The following SLC25A45 variants were observed in gnomAD, a reference collection of about 807,000 sequenced individuals.
SLC25A45 encodes the protein methylated amino-acid transporter SLC25A45.
Under a neutral mutation model 23.0 loss-of-function variants are expected in SLC25A45, and 22 were observed. That is an observed-to-expected ratio of 0.95 (90% CI 0.68 to 1.36). The LOEUF is 1.36. Ranked by LOEUF, SLC25A45 falls within the 40% of genes most tolerant of loss-of-function variation. The pLI, the probability that SLC25A45 is intolerant of heterozygous loss-of-function variation, is 0.00. For synonymous variants in SLC25A45, 136 were observed against 155.0 expected, an observed-to-expected ratio of 0.88 and a Z score of 0.91; for missense variants, 355 against 383.5, an observed-to-expected ratio of 0.93 and a Z score of 0.62.
intron 5 of SLC25A45, chr11:65,379,091 C>T (rs1212823048): frequency 6.6e-5 from 29 of 441,332 alleles, no homozygotes; most frequent in South Asian, 3.9e-4. Flanking sequence ...CTGGCAGACC[C>T]CTCTGGAGGG....
chr11:65,376,400 G>C lies in SLC25A45; in HGVS notation c.*7C>G. 1 of 1,610,942 alleles carries C rather than the reference G, an allele frequency of 6.2e-7. No homozygotes were observed. Among genetic ancestry groups the C allele is most frequent in the Non-Finnish European group, 8.5e-7 (1 of 1,177,326 alleles). On this transcript the variant is annotated 3_prime_UTR_variant, in exon 7 of 7. Coordinates refer to ENST00000398802, the MANE Select transcript of SLC25A45 (RefSeq NM_182556.4). Reference sequence around the variant, plus strand: ...CTGATGGGGAGCTGCTGGCATTGCCGCAGGGCTCATCCCCACCAGCGGAGG... The same window carrying C: ...CTGATGGGGAGCTGCTGGCATTGCCCCAGGGCTCATCCCCACCAGCGGAGG...
intron 5 of SLC25A45, chr11:65,379,070 C>T (rs1311712909): frequency 2.8e-5 from 11 of 386,576 alleles, no homozygotes; most frequent in Non-Finnish European, 4.7e-6. Context: ...GGGCTCCCCA[C>T]AGCTCTGAGG....
At position 65,376,486 on chromosome 11, in the gene SLC25A45, G is replaced by T; in HGVS notation, c.788C>A (p.Thr263Asn). Residue 263 changes from threonine (T) to asparagine (N), a missense_variant, in exon 7 of 7, where the codon ACC (threonine) becomes AAC (asparagine). Physicochemically the swap from Thr to Asn is moderately conservative, Grantham distance 65. Coordinates refer to ENST00000398802, the MANE Select transcript of SLC25A45 (RefSeq NM_182556.4). Reference sequence around the variant, plus strand: ...GGGAAAGGCGCGGGCACTGTTGATGGTGACCCCCCGGAAGAAGACTCCCAG... The same window carrying T: ...GGGAAAGGCGCGGGCACTGTTGATGTTGACCCCCCGGAAGAAGACTCCCAG... Reference protein sequence around the residue: ...EGLGVFFRGVTINSARAFPVN... With the variant: ...EGLGVFFRGVNINSARAFPVN... 1 of 1,614,194 alleles carries T rather than the reference G, an allele frequency of 6.2e-7. No individual in the cohort carries two copies. Among genetic ancestry groups the T allele is most frequent in the South Asian group, 1.1e-5 (1 of 91,086 alleles).
intron 4 of SLC25A45, 139 bp from the exon 5 acceptor site, chr11:65,379,700 T>A: frequency 8.0e-7 from 1 of 1,246,792 alleles, no homozygotes; most frequent in Non-Finnish European, 1.1e-6. Flanking sequence ...AGGGATGGGC[T>A]GAGGCTGCGC....
At chr11:65,379,776 G>A in intron 4 of SLC25A45, 91 bp downstream of exon 4, 2 of 1,526,670 alleles carry the variant, frequency 1.3e-6, no homozygotes, top group Non-Finnish European at 1.8e-6. Flanking sequence ...TCTCCTCCAG[G>A]AGCAGAACCC....
chr11:65,377,992 G>A (rs1451963627), intron 5 of SLC25A45: 1 of 152,362 alleles, frequency 6.6e-6, no homozygotes, highest in African/African-American at 2.4e-5. Context: ...GGTGGGTGGT[G>A]GTACTTAGGG....
At position 65,376,989 on chromosome 11, in the gene SLC25A45, G is replaced by A. The variant is rs188268568; in HGVS notation, c.427C>T (p.Arg143Trp). ...PRAQPGSPPP[R>W]YQGPVHCAAS... is the part of the protein sequence containing the mutation. ...GCACAGTGCACGGGCCCCTGGTACC[G>A]GGGTGGGGGGCTCCCTGGCTGGGCC... is the stretch of plus-strand genomic sequence containing the variant. The change falls in exon 6 of 7, where the codon CGG becomes TGG. Residue 143 changes from arginine (R) to tryptophan (W), a missense_variant. Arg to Trp is a moderately radical substitution (Grantham distance 101, BLOSUM62 -3). Coordinates refer to ENST00000398802, the MANE Select transcript of SLC25A45 (RefSeq NM_182556.4). 6.8e-6 allele frequency: 11 copies of A among 1,613,466 alleles called. No homozygotes were observed. The highest frequency in any genetic ancestry group is 1.3e-5 in the African/African-American group (1 of 74,914).
At chr11:65,377,554 G>A (rs536603243) in intron 5 of SLC25A45, 3 of 332,886 alleles carry the variant, frequency 9.0e-6, no homozygotes, top group South Asian at 2.3e-4. Flanking sequence ...TCAGAGGCCC[G>A]GAGGGGCACA....
At chr11:65,377,879 AT>A (rs1286131830) in intron 5 of SLC25A45, 1 of 151,946 alleles carries the variant, frequency 6.6e-6, no homozygotes, top group East Asian at 1.9e-4. Flanking sequence ...TCTCTGAGGG[AT>A]TTATCTGTTT....
At position 65,379,105 on chromosome 11, in the gene SLC25A45, C is replaced by A. The variant is rs1855385063; in HGVS notation, c.339+271G>T. The A allele has an allele frequency of 8.7e-6, 4 of 462,402 alleles. No individual in the cohort carries two copies. The South Asian group carries it at 9.6e-5, about 11-fold the overall frequency. 28.6% of individuals were successfully genotyped at this position (462,402 alleles called of 1,614,324 possible). A position where few individuals can be genotyped will look rare whatever the true frequency, so the allele number is the denominator to read the frequency against. On this transcript the variant is annotated intron_variant, in intron 5 of 6. Transcript: ENST00000398802. ...GCTGGCAGACCCCTCTGGAGGGGGG[C>A]AAGCCCCGTCAGCTGGAGCGAGTGG...
chr11:65,382,517 C>T lies in SLC25A45; in HGVS notation c.-50G>A, dbSNP rs924177502. 13 of 155,846 alleles carry T rather than the reference C, an allele frequency of 8.3e-5. No individual in the cohort carries two copies. In the South Asian group the frequency reaches 1.7e-3, roughly 20 times the overall value. 9.7% of individuals were successfully genotyped at this position (155,846 alleles called of 1,614,324 possible). ...TGGCTGTTCTCTTCAGGGTTGTTTA[C>T]GACTCCCCCGACTCCCCCGTGTGAG... On this transcript the variant is annotated 5_prime_UTR_variant, in exon 1 of 7. Transcript: ENST00000398802. This position sits in a 1 kb window ranked among gnomAD's most constrained non-coding sequence, Gnocchi z 4.4.
intron 5 of SLC25A45, chr11:65,377,516 G>C (rs770995262): frequency 1.5e-6 from 1 of 668,112 alleles, no homozygotes; most frequent in Non-Finnish European, 1.9e-6. Flanking sequence ...AGGTCCCCTC[G>C]TGAGTGCTGT....
rs902449546 is a variant in SLC25A45 at position 65,382,207 on chromosome 11, C to A, written c.-18-238G>T. 13 of 551,150 alleles carry A rather than the reference C, an allele frequency of 2.4e-5. No individual in the cohort carries two copies. Among genetic ancestry groups the A allele is most frequent in the African/African-American group, 1.5e-4 (8 of 52,832 alleles). 34.1% of individuals were successfully genotyped at this position (551,150 alleles called of 1,614,324 possible). ...GTGCCGGGACCACAGAGGCCCTGAT[C>A]CCCGAGCCCGGCCAATGATCCTCGC... On this transcript the variant is annotated intron_variant, in intron 1 of 6. Transcript: ENST00000398802. The surrounding 1 kb of genome is among the most constrained non-coding windows in gnomAD (Gnocchi z 4.4).
intron 5 of SLC25A45, 60 bp downstream of exon 5, chr11:65,379,316 G>C: frequency 6.3e-7 from 1 of 1,581,614 alleles, no homozygotes; most frequent in East Asian, 2.2e-5. Flanking sequence ...GGGTGGGAGA[G>C]GACAGATCGA....
At chr11:65,380,554 T>C (rs747687572) in intron 2 of SLC25A45, 5 of 1,333,658 alleles carry the variant, frequency 3.7e-6, no homozygotes, top group African/African-American at 1.5e-5. Flanking sequence ...GCTTTACTCT[T>C]CTTTCTTCAA....
intron 2 of SLC25A45, chr11:65,380,934 A>T (rs1016296730): frequency 9.1e-6 from 2 of 220,980 alleles, no homozygotes; most frequent in Non-Finnish European, 1.9e-5. Flanking sequence ...TTCCTTTGTA[A>T]GCCCAACAGG....
At chr11:65,381,076 A>G (rs947305117) in intron 2 of SLC25A45, 10 of 153,788 alleles carry the variant, frequency 6.5e-5, no homozygotes, top group African/African-American at 2.4e-4. Context: ...TCTTCTTCCC[A>G]TCGGCCACTC....
At position 65,376,229 on chromosome 11, in the gene SLC25A45, CCT is replaced by C. The variant is rs2137760527; in HGVS notation, c.*176_*177del. 1 of 710,866 alleles carries C rather than the reference CCT, an allele frequency of 1.4e-6. No individual in the cohort carries two copies. The highest frequency in any genetic ancestry group is 2.3e-6 in the Non-Finnish European group (1 of 440,942). The allele number at this position is 710,866 out of a possible 1,614,324, so 44.0% of individuals were successfully genotyped here. A position where few individuals can be genotyped will look rare whatever the true frequency, so the allele number is the denominator to read the frequency against. ...CTACACAGGGAGGCTGCACAGGCCC[CCT>C]GGCTTCCGGCTCCCACAGGTGTCTG... On this transcript the variant is annotated 3_prime_UTR_variant, in exon 7 of 7. Transcript: ENST00000398802.
chr11:65,376,379 T>C lies in SLC25A45; in HGVS notation c.*28A>G, dbSNP rs1555036062. 6.2e-7 allele frequency: 1 copy of C among 1,605,438 alleles called. No homozygotes were observed. On this transcript the variant is annotated 3_prime_UTR_variant, in exon 7 of 7. Coordinates refer to ENST00000398802, the MANE Select transcript of SLC25A45 (RefSeq NM_182556.4). ...ACTGGCCTCCAGGCCGTGGGCCTGA[T>C]GGGGAGCTGCTGGCATTGCCGCAGG...
Sources: gnomAD v4.1 joint callset for allele counts on GRCh38, gnomAD v4.1.1 for gene constraint, Gnocchi (gnomAD v3.1) non-coding constraint, MANE v1.5 for transcripts, NCBI Gene and HGNC (gene_info 2026-07-23, HGNC 2026-07-21) for gene names.